The following SEMA3E variants were observed in gnomAD, a reference collection of about 807,000 sequenced individuals.
SEMA3E encodes semaphorin 3E.
Under a neutral mutation model 93.6 loss-of-function variants are expected in SEMA3E, and 49 were observed. That is an observed-to-expected ratio of 0.52 (90% CI 0.42 to 0.66). The LOEUF (loss-of-function observed/expected upper bound fraction) is 0.66. Ranked by LOEUF, SEMA3E falls within the 30% of genes least tolerant of loss-of-function variation. The probability of loss-of-function intolerance (pLI) is 0.00; values close to 1 mark genes in which losing one functional copy is unlikely to be tolerated. For synonymous variants in SEMA3E, 363 were observed against 330.7 expected (o/e 1.10, Z -1.06); for missense variants, 906 against 964.8 (o/e 0.94, Z 0.81).
intron 1 of SEMA3E, among the ~76,000 whole-genome samples, chr7:83,617,580 T>C (rs1228841307): frequency 2.0e-5 from 3 of 146,880 alleles, no homozygotes; most frequent in African/African-American, 7.4e-5. Context: ...ATAAGTAATA[T>C]ATAATTTTAT....
intron 1 of SEMA3E, among the ~76,000 whole-genome samples, chr7:83,631,784 A>G (rs548357990): frequency 2.9e-4 from 44 of 152,354 alleles, no homozygotes; most frequent in Non-Finnish European, 4.9e-4. Context: ...GAAAATCCTT[A>G]GAAGGGCTGA....
intron 16 of SEMA3E, 43 bp from the exon 17 acceptor site, chr7:83,368,081 A>G: frequency 6.5e-7 from 1 of 1,549,512 alleles, no homozygotes; most frequent in Non-Finnish European, 8.9e-7. Context: ...TACACAGGAG[A>G]GAAAATAACA....
At position 83,539,866 on chromosome 7, in the gene SEMA3E, T is replaced by TGTGC. The variant is rs1554336393; in HGVS notation, c.116-49593_116-49592insGCAC. 9.7e-4 allele frequency among the ~76,000 whole-genome samples: 145 copies of TGTGC among 148,790 alleles called. No individual in the cohort carries two copies. In the Middle Eastern group the frequency reaches 0.02, roughly 21 times the overall value. On this transcript the variant is annotated intron_variant, in intron 1 of 16. Coordinates refer to ENST00000643230, the MANE Select transcript of SEMA3E (RefSeq NM_012431.3). ...TTGTTTTGTTGTTTCTGTGTGTGTG[T>TGTGC]GTGTGTGTGTGTGTGTGTGTGTGTG...
chr7:83,643,670 A>C (rs147074946), intron 1 of SEMA3E, among the ~76,000 whole-genome samples: 85 of 152,130 alleles, frequency 5.6e-4, no homozygotes, highest in Middle Eastern at 3.4e-3. Flanking sequence ...AATTCATAGG[A>C]AGGCTCTCTC....
chr7:83,458,332 A>C (rs185214234), intron 4 of SEMA3E, among the ~76,000 whole-genome samples: 64 of 151,478 alleles, frequency 4.2e-4, no homozygotes, highest in African/African-American at 1.5e-3. Flanking sequence ...ATGATAAACT[A>C]TATATATGTA....
At chr7:83,412,695 G>A (rs1788464114) in intron 5 of SEMA3E, among the ~76,000 whole-genome samples, 1 of 151,286 alleles carries the variant, frequency 6.6e-6, no homozygotes, top group South Asian at 2.1e-4. Context: ...CAGGCAGGTA[G>A]AGGCTGCAGT....
rs772643898 is a variant in SEMA3E, at chr7:83,385,303, T to C, written c.1866A>G (p.Arg622=). 1 of 1,613,180 alleles carries C rather than the reference T, an allele frequency of 6.2e-7. No homozygotes were observed. The highest frequency in any genetic ancestry group is 8.5e-7 in the Non-Finnish European group (1 of 1,179,450). Reference sequence around the variant, plus strand: ...TGCAGCTATGAATTACCTCCTCTTTTCTTGTCTCACGTCCTTTCTGTACAA... The same window carrying C: ...TGCAGCTATGAATTACCTCCTCTTTCCTTGTCTCACGTCCTTTCTGTACAA... ...IWFVQKGRET[R]KEEVKTDDRV... The change falls in exon 16 of 17, where the codon AGA becomes AGG. Residue 622 remains arginine (R), a synonymous_variant. Transcript: ENST00000643230.
chr7:83,532,262 A>T (rs1791318312), intron 1 of SEMA3E, among the ~76,000 whole-genome samples: 1 of 152,138 alleles, frequency 6.6e-6, no homozygotes, highest in African/African-American at 2.4e-5. Flanking sequence ...CACATTCTGG[A>T]GAGATAATTG....
intron 1 of SEMA3E, among the ~76,000 whole-genome samples, chr7:83,602,657 T>G (rs920753310): frequency 6.6e-6 from 1 of 152,124 alleles, no homozygotes; most frequent in African/African-American, 2.4e-5. Flanking sequence ...ATCGTATTTT[T>G]AGTAGAAACG....
intron 4 of SEMA3E, among the ~76,000 whole-genome samples, chr7:83,431,117 A>G (rs1788874190): frequency 6.6e-6 from 1 of 150,670 alleles, no homozygotes; most frequent in Non-Finnish European, 1.5e-5. Flanking sequence ...AGCCCAAGTG[A>G]ACAGGTTTCT....
chr7:83,440,456 T>C (rs1562783769), intron 4 of SEMA3E, among the ~76,000 whole-genome samples: 1 of 152,204 alleles, frequency 6.6e-6, no homozygotes, highest in South Asian at 2.1e-4. Context: ...TCTTACTTGT[T>C]TATTGTGTTG....
chr7:83,614,030 A>C (rs1328934702), intron 1 of SEMA3E, among the ~76,000 whole-genome samples: 1 of 152,102 alleles, frequency 6.6e-6, no homozygotes, highest in East Asian at 1.9e-4. Flanking sequence ...GAAAAATGGA[A>C]GTGAGAATTA....
intron 1 of SEMA3E, among the ~76,000 whole-genome samples, chr7:83,595,446 A>C (rs2115961970): frequency 6.6e-6 from 1 of 152,234 alleles, no homozygotes; most frequent in Admixed American, 6.5e-5. Context: ...ACATATCAAA[A>C]CTAGGAAATT....
At chr7:83,484,338 C>A (rs1304143857) in intron 2 of SEMA3E, among the ~76,000 whole-genome samples, 2 of 152,196 alleles carry the variant, frequency 1.3e-5, no homozygotes, top group Non-Finnish European at 2.9e-5. Context: ...TGCTACCTTC[C>A]TCCTTGTCAT....
At chr7:83,404,747 A>G (rs1444676734) in intron 9 of SEMA3E, among the ~76,000 whole-genome samples, 1 of 152,040 alleles carries the variant, frequency 6.6e-6, no homozygotes, top group Non-Finnish European at 1.5e-5. Flanking sequence ...CGTGTTCACT[A>G]TGAATCAACG....
chr7:83,560,266 G>A (rs917981135), intron 1 of SEMA3E, among the ~76,000 whole-genome samples: 4 of 152,014 alleles, frequency 2.6e-5, no homozygotes, highest in African/African-American at 7.2e-5. Flanking sequence ...TTTAACAAAT[G>A]TACAACTCTG....
At chr7:83,577,200 G>T (rs1201453979) in intron 1 of SEMA3E, among the ~76,000 whole-genome samples, 2 of 152,100 alleles carry the variant, frequency 1.3e-5, no homozygotes. Flanking sequence ...ATACCTGTAT[G>T]ACAGATTAGA....
chr7:83,528,311 A>T (rs951932023), intron 1 of SEMA3E, among the ~76,000 whole-genome samples: 4 of 152,164 alleles, frequency 2.6e-5, no homozygotes, highest in Admixed American at 2.6e-4. Flanking sequence ...CAAGTGTAGC[A>T]ACCGATATTT....
intron 1 of SEMA3E, among the ~76,000 whole-genome samples, chr7:83,618,296 G>T (rs2115617512): frequency 6.6e-6 from 1 of 152,174 alleles, no homozygotes; most frequent in East Asian, 1.9e-4. Flanking sequence ...AATTAGAACA[G>T]CTGAGGTTTA....
Sources: gnomAD v4.1 joint callset for allele counts (sites outside exome capture counted in the v4.1 genomes callset) on GRCh38, gnomAD v4.1.1 for gene constraint, MANE v1.5 for transcripts, NCBI Gene and HGNC (gene_info 2026-07-23, HGNC 2026-07-21) for gene names.